Variants in IKZF2 observed in about 807,000 individuals in gnomAD.
IKZF2 encodes zinc finger protein Helios.
In IKZF2, 15 loss-of-function variants were observed where a neutral mutation model predicts 49.2. That is an observed-to-expected ratio of 0.30 (90% CI 0.20 to 0.47). The LOEUF is 0.47. Among genes scored for constraint, IKZF2 ranks in the 20% least tolerant of loss-of-function variants. The pLI, the probability that IKZF2 is intolerant of heterozygous loss-of-function variation, is 1.00. For synonymous variants in IKZF2, 227 were observed against 221.4 expected (o/e 1.03, Z -0.23); for missense variants, 567 against 664.6 (o/e 0.85, Z 1.61).
At chr2:213,009,290 G>T (rs1020190213) in intron 8 of IKZF2, among the ~76,000 whole-genome samples, 2 of 152,106 alleles carry the variant, frequency 1.3e-5, no homozygotes, top group Non-Finnish European at 2.9e-5. Flanking sequence ...AACGGGAAAA[G>T]TAGTTTTGAT....
At chr2:213,052,463 T>G (rs552091214) in intron 5 of IKZF2, among the ~76,000 whole-genome samples, 35 of 152,188 alleles carry the variant, frequency 2.3e-4, no homozygotes, top group African/African-American at 7.7e-4. Flanking sequence ...ATAGATGCTT[T>G]TTACATTTGG....
chr2:213,150,682 G>C (rs2061253228), intron 1 of IKZF2, among the ~76,000 whole-genome samples: 1 of 107,698 alleles, frequency 9.3e-6, no homozygotes. Flanking sequence ...CAAAAGCTAA[G>C]ACAAGAAAAC....
chr2:213,141,986 A>G (rs2060892108), intron 4 of IKZF2, among the ~76,000 whole-genome samples: 2 of 151,982 alleles, frequency 1.3e-5, no homozygotes, highest in African/African-American at 4.8e-5. Flanking sequence ...TAAACCAACA[A>G]TTTTATTAGG....
intron 4 of IKZF2, among the ~76,000 whole-genome samples, chr2:213,065,266 A>G (rs1019710922): frequency 2.6e-5 from 4 of 152,026 alleles, no homozygotes; most frequent in Non-Finnish European, 5.9e-5. Flanking sequence ...TTCTTCTCCT[A>G]TGAAATTTAC....
intron 6 of IKZF2, among the ~76,000 whole-genome samples, chr2:213,041,024 G>A (rs867401807): frequency 2.4e-4 from 37 of 151,950 alleles, no homozygotes; most frequent in African/African-American, 7.0e-4. Context: ...AGGCTGAGGC[G>A]GGGGAACCAC....
At chr2:213,140,968 G>A (rs1475565872) in intron 4 of IKZF2, among the ~76,000 whole-genome samples, 2 of 151,898 alleles carry the variant, frequency 1.3e-5, no homozygotes, top group African/African-American at 2.4e-5. Context: ...CTATATCCAT[G>A]TGCCTAATTG....
chr2:213,014,951 G>A (rs1343277958), intron 7 of IKZF2: 1 of 151,878 alleles, frequency 6.6e-6, no homozygotes, highest in African/African-American at 2.4e-5. Context: ...AACTTTACTT[G>A]TTCAGTATGC....
At chr2:213,141,499 T>C (rs75084759) in intron 4 of IKZF2, among the ~76,000 whole-genome samples, 5,471 of 152,068 alleles carry the variant, frequency 0.036, 170 homozygotes, top group African/African-American at 0.077. Context: ...TCCAACTTTA[T>C]AGTCTAGAAA....
In IKZF2 at chr2:213,126,981, T is replaced by A. The variant is rs527756381; in HGVS notation, c.139+20727A>T. Reference sequence around the variant, plus strand: ...CAGCCCATACAGCATTCTGACTGAATTGAAAGTTACTGCTATCTGCCGGGA... The same window carrying A: ...CAGCCCATACAGCATTCTGACTGAAATGAAAGTTACTGCTATCTGCCGGGA... On this transcript the variant is annotated intron_variant, in intron 4 of 8. Coordinates refer to ENST00000434687, the MANE Select transcript of IKZF2 (RefSeq NM_001387220.1). Among the ~76,000 whole-genome samples, 8 of 152,318 alleles carry A rather than the reference T, an allele frequency of 5.3e-5. No homozygotes were observed. The East Asian group carries it at 1.3e-3, about 26-fold the overall frequency.
intron 7 of IKZF2, chr2:213,014,721 G>A (rs919684490): frequency 2.6e-5 from 4 of 151,924 alleles, no homozygotes; most frequent in African/African-American, 9.7e-5. Context: ...GACATTCATA[G>A]TGCAGACAAA....
intron 6 of IKZF2, among the ~76,000 whole-genome samples, chr2:213,047,885 T>C (rs1350732331): frequency 6.6e-6 from 1 of 150,944 alleles, no homozygotes; most frequent in Non-Finnish European, 1.5e-5. Flanking sequence ...ACCTATCAGA[T>C]AAAGAACCTT....
intron 2 of IKZF2, 79 bp from the exon 3 acceptor site, chr2:213,148,723 T>C: frequency 8.3e-7 from 1 of 1,210,368 alleles, no homozygotes; most frequent in Non-Finnish European, 1.2e-6. Context: ...TATTTGAAGC[T>C]CCAAGCAGTT....
intron 4 of IKZF2, among the ~76,000 whole-genome samples, chr2:213,108,534 G>C (rs529999783): frequency 1.3e-5 from 2 of 152,172 alleles, no homozygotes; most frequent in East Asian, 3.9e-4. Flanking sequence ...GTAGCCATCG[G>C]GCTACAGTGG....
chr2:213,040,593 A>G (rs1438393123), intron 6 of IKZF2, among the ~76,000 whole-genome samples: 1 of 152,288 alleles, frequency 6.6e-6, no homozygotes, highest in Non-Finnish European at 1.5e-5. Flanking sequence ...TAAAATAACA[A>G]GTATGCTAAA....
intron 4 of IKZF2, among the ~76,000 whole-genome samples, chr2:213,102,985 A>G (rs1019597373): frequency 1.3e-5 from 2 of 152,202 alleles, no homozygotes; most frequent in Non-Finnish European, 2.9e-5. Context: ...ACCCAAGGAA[A>G]TAACTGGAGG....
At chr2:213,059,465 A>T (rs948137607) in intron 4 of IKZF2, among the ~76,000 whole-genome samples, 1 of 151,672 alleles carries the variant, frequency 6.6e-6, no homozygotes, top group Non-Finnish European at 1.5e-5. Flanking sequence ...GGAGACTTTT[A>T]AAATCAATGC....
At chr2:213,134,106 T>C (rs2060571070) in intron 4 of IKZF2, among the ~76,000 whole-genome samples, 1 of 152,218 alleles carries the variant, frequency 6.6e-6, no homozygotes, top group Non-Finnish European at 1.5e-5. Context: ...GCCTTCTAAA[T>C]AACAGAGTAT....
chr2:213,034,036 T>G (rs907608466), intron 6 of IKZF2, among the ~76,000 whole-genome samples: 1 of 152,254 alleles, frequency 6.6e-6, no homozygotes, highest in Non-Finnish European at 1.5e-5. Context: ...TGCCTCACCT[T>G]GCACTTTTAT....
At chr2:213,130,205 C>T (rs1389148524) in intron 4 of IKZF2, among the ~76,000 whole-genome samples, 2 of 152,010 alleles carry the variant, frequency 1.3e-5, no homozygotes, top group South Asian at 2.1e-4. Flanking sequence ...ATCCCAATAG[C>T]CAGTAATCTA....
Sources: gnomAD v4.1 joint callset for allele counts (sites outside exome capture counted in the v4.1 genomes callset) on GRCh38, gnomAD v4.1.1 for gene constraint, MANE v1.5 for transcripts, NCBI Gene and HGNC (gene_info 2026-07-23, HGNC 2026-07-21) for gene names.